ITPR1: variants seen among roughly 807,000 people sequenced by gnomAD.
ITPR1 encodes the protein inositol 1,4,5-trisphosphate receptor type 1, also known as inositol 1,4,5-trisphosphate-gated calcium channel ITPR1.
Under a neutral mutation model 318.4 loss-of-function variants are expected in ITPR1, and 96 were observed. The ratio of observed to expected loss-of-function variants is 0.30; its 90% confidence interval spans 0.26 to 0.36. The LOEUF (loss-of-function observed/expected upper bound fraction) is 0.36, where lower values mean the gene tolerates loss of function less well. Ranked by LOEUF, ITPR1 falls within the 10% of genes least tolerant of loss-of-function variation. ITPR1 has a pLI of 1.00. For synonymous variants in ITPR1, 1,312 were observed against 1,289.9 expected, an observed-to-expected ratio of 1.02 and a Z score of -0.37; for missense variants, 2,440 against 3,460.2, an observed-to-expected ratio of 0.71 and a Z score of 7.40.
intron 44 of ITPR1, among the ~76,000 whole-genome samples, chr3:4,759,872 C>A (rs886088418): frequency 1.3e-5 from 2 of 152,226 alleles, no homozygotes; most frequent in Admixed American, 6.5e-5. Flanking sequence ...CTTCCCTTTC[C>A]CCCTGTCCAG....
chr3:4,709,086 C>T (rs1296916147), intron 37 of ITPR1, among the ~76,000 whole-genome samples: 1 of 152,132 alleles, frequency 6.6e-6, no homozygotes, highest in Non-Finnish European at 1.5e-5. Context: ...AAAGATTTGC[C>T]AGAGTCAGGA....
At chr3:4,792,606 G>C (rs1168901963) in intron 52 of ITPR1, among the ~76,000 whole-genome samples, 1 of 152,104 alleles carries the variant, frequency 6.6e-6, no homozygotes, top group East Asian at 1.9e-4. Context: ...GGAGGCCTCA[G>C]GTCCCCTCCA....
chr3:4,685,717 C>G (rs2125236593), intron 30 of ITPR1, among the ~76,000 whole-genome samples: 1 of 152,306 alleles, frequency 6.6e-6, no homozygotes, highest in South Asian at 2.1e-4. Context: ...TGTACTTTGC[C>G]TCTAATTTTT....
chr3:4,834,604 G>T (rs1038903085), intron 60 of ITPR1, among the ~76,000 whole-genome samples: 1 of 152,130 alleles, frequency 6.6e-6, no homozygotes, highest in African/African-American at 2.4e-5. Context: ...TGAAAAATGA[G>T]GTTTCCTCCT....
rs1274276133 is a variant in ITPR1, at chr3:4,846,364, A to ATGAT, written c.*142_*145dup. ...ATACTCAGTTTTATACTGTATGTATATGATTGCTACTCTAAAGGTTTGGAT... is the reference window on the plus strand; with the variant it reads ...ATACTCAGTTTTATACTGTATGTATATGATTGATTGCTACTCTAAAGGTTTGGAT... On this transcript the variant is annotated 3_prime_UTR_variant, in exon 62 of 62. Coordinates refer to ENST00000649015, the MANE Select transcript of ITPR1 (RefSeq NM_001378452.1). The ATGAT allele has an allele frequency of 5.8e-5, 28 of 485,532 alleles. No homozygotes were observed. In the East Asian group the frequency reaches 7.9e-4, roughly 14 times the overall value. The allele number at this position is 485,532 out of a possible 1,614,324, so 30.1% of individuals were successfully genotyped here. A position where few individuals can be genotyped will look rare whatever the true frequency, so the allele number is the denominator to read the frequency against.
At chr3:4,711,629 A>T (rs958444296) in intron 38 of ITPR1, 128 bp from the exon 39 acceptor site, 2 of 645,928 alleles carry the variant, frequency 3.1e-6, no homozygotes, top group African/African-American at 3.7e-5. Context: ...GCCCTGAAGT[A>T]TCTTTAACCT....
chr3:4,825,697 C>T (rs2050027040), intron 60 of ITPR1: 2 of 456,020 alleles, frequency 4.4e-6, no homozygotes, highest in South Asian at 3.1e-5. Context: ...AACTTAATAC[C>T]TGCGTGTCAC....
At chr3:4,665,925 G>T (rs184278563) in intron 17 of ITPR1, among the ~76,000 whole-genome samples, 69 of 152,238 alleles carry the variant, frequency 4.5e-4, no homozygotes, top group African/African-American at 1.5e-3. Flanking sequence ...GTCCCCCAAA[G>T]AATATTTGGC....
chr3:4,736,526 C>T (rs1437481804), intron 44 of ITPR1, among the ~76,000 whole-genome samples: 2 of 152,256 alleles, frequency 1.3e-5, no homozygotes, highest in South Asian at 2.1e-4. Context: ...CCCGCTTCCC[C>T]CAACGTACAC....
At chr3:4,498,000 C>A (rs1299229346) in intron 2 of ITPR1, among the ~76,000 whole-genome samples, 1 of 152,040 alleles carries the variant, frequency 6.6e-6, no homozygotes, top group Non-Finnish European at 1.5e-5. Context: ...GTAGTCAGAT[C>A]CCTGCAGACA....
At chr3:4,832,892 G>A (rs778450943) in intron 60 of ITPR1, among the ~76,000 whole-genome samples, 6 of 152,140 alleles carry the variant, frequency 3.9e-5, no homozygotes, top group Non-Finnish European at 7.4e-5. Context: ...TGCCAGGAGC[G>A]GCCCTTGGCA....
rs540965600 is a variant in ITPR1, at chr3:4,585,069, C to CTG, written c.164-42689_164-42688dup. On this transcript the variant is annotated intron_variant, in intron 4 of 61. Transcript: ENST00000649015. The stretch of plus-strand genomic sequence containing the variant: ...GAGACCCACCCTCCGAGGGTCCTAA[C>CTG]TGTGTGCGGCTGTTCCCTGCCCGGG... Among the ~76,000 whole-genome samples the CTG allele has an allele frequency of 1.0e-2, 1,519 of 152,326 alleles. 30 individuals are homozygous for CTG. The highest frequency in any genetic ancestry group is 0.034 in the African/African-American group (1,412 of 41,550).
At chr3:4,843,255 CAAATGT>C (rs1454164277) in intron 61 of ITPR1, among the ~76,000 whole-genome samples, 2 of 152,238 alleles carry the variant, frequency 1.3e-5, no homozygotes, top group East Asian at 3.9e-4. Flanking sequence ...GAGTATCAGT[CAAATGT>C]GTGTGCCTAC....
At chr3:4,621,280 G>T (rs2092620742) in intron 4 of ITPR1, among the ~76,000 whole-genome samples, 1 of 152,136 alleles carries the variant, frequency 6.6e-6, no homozygotes, top group Non-Finnish European at 1.5e-5. Context: ...TACAGTCATG[G>T]CAGAAGGTGA....
chr3:4,622,464 G>A (rs143786880), intron 4 of ITPR1, among the ~76,000 whole-genome samples: 8 of 143,452 alleles, frequency 5.6e-5, no homozygotes, highest in African/African-American at 7.8e-5. Context: ...TTGCTCTGTC[G>A]CCAGGCTGGA....
chr3:4,608,353 A>G (rs564393699), intron 4 of ITPR1, among the ~76,000 whole-genome samples: 2 of 152,266 alleles, frequency 1.3e-5, no homozygotes, highest in African/African-American at 4.8e-5. Context: ...TCCAGCCATC[A>G]AGTAGGATTC....
intron 4 of ITPR1, among the ~76,000 whole-genome samples, chr3:4,558,833 CT>C (rs139536328): frequency 2.6e-4 from 38 of 147,022 alleles, no homozygotes; most frequent in East Asian, 1.2e-3. Context: ...TGTCTTTTTT[CT>C]TTTTTTTTTG....
At chr3:4,697,359 C>T (rs953297953) in intron 34 of ITPR1, 87 bp downstream of exon 34, 3 of 781,226 alleles carry the variant, frequency 3.8e-6, no homozygotes, top group African/African-American at 3.7e-5. Flanking sequence ...TGTGTAGCAT[C>T]TTTGTGCACA....
chr3:4,706,379 G>C (rs776170451), intron 37 of ITPR1, 28 bp downstream of exon 37: 2 of 1,572,846 alleles, frequency 1.3e-6, no homozygotes, highest in Non-Finnish European at 1.7e-6. Flanking sequence ...GAGAAGTGAT[G>C]CTTAGCCTGG....
Sources: gnomAD v4.1 joint callset for allele counts (sites outside exome capture counted in the v4.1 genomes callset) on GRCh38, gnomAD v4.1.1 for gene constraint, MANE v1.5 for transcripts, NCBI Gene and HGNC (gene_info 2026-07-23, HGNC 2026-07-21) for gene names.